Variants in FRMD4B observed in about 807,000 individuals in gnomAD.
The protein encoded by FRMD4B is FERM domain-containing protein 4B.
Under a neutral mutation model 141.5 loss-of-function variants are expected in FRMD4B, and 74 were observed. The observed-to-expected ratio is 0.52, with a 90% CI of 0.43 to 0.63. The LOEUF (loss-of-function observed/expected upper bound fraction) is 0.63. Ranked by LOEUF, FRMD4B falls within the 30% of genes least tolerant of loss-of-function variation. The pLI, the probability that FRMD4B is intolerant of heterozygous loss-of-function variation, is 0.00. For synonymous variants in FRMD4B, 506 were observed against 467.9 expected (o/e 1.08, Z -1.05); for missense variants, 1,366 against 1,253.4 (o/e 1.09, Z -1.36).
chr3:69,195,503 G>A, intron 14 of FRMD4B, 139 bp from the exon 15 acceptor site: 1 of 673,972 alleles, frequency 1.5e-6, no homozygotes, highest in South Asian at 2.7e-5. Flanking sequence ...CATAATAAAA[G>A]GAAACTGGAA....
intron 1 of FRMD4B, among the ~76,000 whole-genome samples, chr3:69,485,120 A>T (rs527347201): frequency 6.6e-6 from 1 of 152,044 alleles, no homozygotes; most frequent in South Asian, 2.1e-4. Flanking sequence ...CTGCTCCTCT[A>T]TTACCAAAGT....
At chr3:69,422,887 A>C (rs1197503891) in intron 2 of FRMD4B, among the ~76,000 whole-genome samples, 2 of 152,136 alleles carry the variant, frequency 1.3e-5, no homozygotes, top group Non-Finnish European at 2.9e-5. Flanking sequence ...GCAGACCCCT[A>C]TGTCCTGAAA....
chr3:69,504,319 G>T (rs1334505108), intron 1 of FRMD4B, among the ~76,000 whole-genome samples: 1 of 151,766 alleles, frequency 6.6e-6, no homozygotes, highest in Non-Finnish European at 1.5e-5. Flanking sequence ...CAGCTTCATT[G>T]GGATATACTT....
At chr3:69,428,395 C>A (rs1417240377) in intron 2 of FRMD4B, among the ~76,000 whole-genome samples, 5 of 148,950 alleles carry the variant, frequency 3.4e-5, no homozygotes, top group Non-Finnish European at 4.5e-5. Context: ...AGTGTTAACT[C>A]TTTTAATCCC....
chr3:69,265,301 T>G (rs1203153330), intron 5 of FRMD4B, among the ~76,000 whole-genome samples: 1 of 97,298 alleles, frequency 1.0e-5, no homozygotes, highest in Non-Finnish European at 2.1e-5. Context: ...TATATATATA[T>G]ATATATATAT....
At chr3:69,532,012 T>C (rs2107157576) in intron 1 of FRMD4B, among the ~76,000 whole-genome samples, 1 of 152,330 alleles carries the variant, frequency 6.6e-6, no homozygotes, top group South Asian at 2.1e-4. Context: ...TACTTTAACA[T>C]AGTTGGAGCA....
At chr3:69,265,293 T>A (rs867819468) in intron 5 of FRMD4B, among the ~76,000 whole-genome samples, 6,619 of 66,344 alleles carry the variant, frequency 0.1, 1,647 homozygotes, top group East Asian at 0.17. Flanking sequence ...TATATATATA[T>A]ATATATATAT....
chr3:69,517,760 T>C (rs6774608), intron 1 of FRMD4B, among the ~76,000 whole-genome samples: 33,280 of 152,130 alleles, frequency 0.22, 3,793 homozygotes, highest in African/African-American at 0.26. Flanking sequence ...TTGAGCCTCC[T>C]TACTGCCTTC....
chr3:69,338,000 A>G (rs1332048630), intron 1 of FRMD4B, among the ~76,000 whole-genome samples: 1 of 152,356 alleles, frequency 6.6e-6, no homozygotes, highest in Admixed American at 6.5e-5. Context: ...TTAAAGACAC[A>G]TGCACACGTA....
At chr3:69,478,147 A>G (rs184457558) in intron 1 of FRMD4B, among the ~76,000 whole-genome samples, 68 of 152,242 alleles carry the variant, frequency 4.5e-4, no homozygotes, top group Non-Finnish European at 7.8e-4. Context: ...GATCCTTTCA[A>G]AAAACCAGCT....
intron 5 of FRMD4B, among the ~76,000 whole-genome samples, chr3:69,267,956 A>C (rs1474402065): frequency 6.6e-6 from 1 of 151,786 alleles, no homozygotes; most frequent in African/African-American, 2.4e-5. Flanking sequence ...TAAGTGAATT[A>C]ATCTATACCT....
intron 1 of FRMD4B, among the ~76,000 whole-genome samples, chr3:69,325,678 T>C (rs1702167477): frequency 6.6e-6 from 1 of 152,178 alleles, no homozygotes. Context: ...CTCATTTGGG[T>C]TTGCCTCTTG....
Position 69,260,590 on chromosome 3 carries a change from A to G in FRMD4B, c.502-10491T>C, listed in dbSNP as rs558821870. ...CTTCCACATGGCCCGAACCTCCCCA[A>G]TGGGCGCCGCCTGGTCCCATCGACC... On this transcript the variant is annotated intron_variant, in intron 5 of 22. Coordinates refer to ENST00000398540, the MANE Select transcript of FRMD4B (RefSeq NM_015123.3). 1.3e-3 allele frequency among the ~76,000 whole-genome samples: 201 copies of G among 152,350 alleles called. 1 individual carries two copies. The highest frequency in any genetic ancestry group is 4.1e-3 in the African/African-American group (172 of 41,598).
intron 5 of FRMD4B, among the ~76,000 whole-genome samples, chr3:69,254,106 C>G (rs1376636834): frequency 2.7e-5 from 4 of 148,996 alleles, no homozygotes; most frequent in African/African-American, 9.9e-5. Flanking sequence ...AAACTCACAC[C>G]TTTTTTTTTT....
chr3:69,384,703 T>C (rs771470488), intron 1 of FRMD4B, among the ~76,000 whole-genome samples: 2 of 152,194 alleles, frequency 1.3e-5, no homozygotes, highest in African/African-American at 4.8e-5. Context: ...AGTTCAAATG[T>C]TCCTCATATT....
At chr3:69,465,144 C>T (rs1705762474) in intron 1 of FRMD4B, among the ~76,000 whole-genome samples, 1 of 151,952 alleles carries the variant, frequency 6.6e-6, no homozygotes, top group Admixed American at 6.6e-5. Flanking sequence ...CATGGTGAAA[C>T]CCCGTCTCTA....
rs1345836652 is a variant in FRMD4B at position 69,431,054 on chromosome 3, G to T, written c.-1+1580C>A. ...AGCCAGGCTGCATTGTGCAGTGGGT[G>T]CAAAAAATCCAAGTGGAAAATCGCT... On this transcript the variant is annotated intron_variant, in intron 2 of 5. Transcript: ENST00000459638. Among the ~76,000 whole-genome samples the T allele has an allele frequency of 2.6e-5, 4 of 152,234 alleles. No individual in the cohort carries two copies. The South Asian group carries it at 8.3e-4, about 32-fold the overall frequency.
intron 2 of FRMD4B, among the ~76,000 whole-genome samples, chr3:69,418,237 CA>C (rs1704903470): frequency 6.6e-6 from 1 of 152,046 alleles, no homozygotes; most frequent in African/African-American, 2.4e-5. Context: ...ACATGTTTAC[CA>C]AAAATATACA....
At chr3:69,259,116 C>T (rs528116554) in intron 5 of FRMD4B, among the ~76,000 whole-genome samples, 6 of 152,250 alleles carry the variant, frequency 3.9e-5, no homozygotes, top group South Asian at 2.1e-4. Context: ...CTTGTTTTCC[C>T]GTAACTAGAC....
Sources: gnomAD v4.1 joint callset for allele counts (sites outside exome capture counted in the v4.1 genomes callset) on GRCh38, gnomAD v4.1.1 for gene constraint, MANE v1.5 for transcripts, NCBI Gene and HGNC (gene_info 2026-07-23, HGNC 2026-07-21) for gene names.